The following FILIP1L variants were observed in gnomAD, a reference collection of about 807,000 sequenced individuals.
FILIP1L encodes filamin A-interacting protein 1-like.
Under a neutral mutation model 96.6 loss-of-function variants are expected in FILIP1L, and 55 were observed. That is an observed-to-expected ratio of 0.57 (90% CI 0.46 to 0.71). The LOEUF is 0.71. Among genes scored for constraint, FILIP1L ranks in the 30% least tolerant of loss-of-function variants. The probability of loss-of-function intolerance (pLI) is 0.00; values close to 1 mark genes in which losing one functional copy is unlikely to be tolerated. For synonymous variants in FILIP1L, 467 were observed against 473.9 expected (o/e 0.99, Z 0.19); for missense variants, 1,304 against 1,321.2 (o/e 0.99, Z 0.20).
At chr3:100,101,158 T>A (rs748138768) in intron 1 of FILIP1L, among the ~76,000 whole-genome samples, 1 of 152,102 alleles carries the variant, frequency 6.6e-6, no homozygotes, top group Non-Finnish European at 1.5e-5. Flanking sequence ...CTCTCCTGAG[T>A]GGTAGTAACC....
At chr3:99,918,039 G>A (rs889528455) in intron 4 of FILIP1L, among the ~76,000 whole-genome samples, 5 of 152,008 alleles carry the variant, frequency 3.3e-5, no homozygotes, top group Admixed American at 1.3e-4. Flanking sequence ...GTGCAGTGGC[G>A]TGATCTCGGC....
chr3:100,040,265 AT>A (rs2065181553), intron 1 of FILIP1L: 1 of 152,178 alleles, frequency 6.6e-6, no homozygotes, highest in Admixed American at 6.5e-5. Context: ...TTATTTGCAT[AT>A]TTCATTTGCA....
chr3:100,075,082 T>C (rs1212286423), intron 1 of FILIP1L, among the ~76,000 whole-genome samples: 1 of 152,208 alleles, frequency 6.6e-6, no homozygotes, highest in Non-Finnish European at 1.5e-5. Flanking sequence ...ATATATTTTA[T>C]TGGTCTATGT....
chr3:99,966,414 A>G (rs988206204), intron 1 of FILIP1L, among the ~76,000 whole-genome samples: 8 of 152,020 alleles, frequency 5.3e-5, no homozygotes, highest in South Asian at 4.1e-4. Context: ...TTTTTCGGCT[A>G]TATATAGTTT....
intron 1 of FILIP1L, among the ~76,000 whole-genome samples, chr3:99,957,594 G>A (rs1306852859): frequency 1.3e-5 from 2 of 151,310 alleles, no homozygotes; most frequent in Non-Finnish European, 2.9e-5. Context: ...CACCCTCTGG[G>A]GCCTCCTATG....
At chr3:100,015,162 T>C (rs1051242427) in intron 1 of FILIP1L, among the ~76,000 whole-genome samples, 4 of 152,044 alleles carry the variant, frequency 2.6e-5, no homozygotes, top group Non-Finnish European at 5.9e-5. Flanking sequence ...CCTTTTCCTA[T>C]TTTGCATTTT....
At chr3:99,869,097 CTTG>C (rs1944658444) in intron 4 of FILIP1L, among the ~76,000 whole-genome samples, 1 of 152,104 alleles carries the variant, frequency 6.6e-6, no homozygotes, top group South Asian at 2.1e-4. Context: ...CTCAGAATGA[CTTG>C]TTATTAGAAT....
intron 1 of FILIP1L, among the ~76,000 whole-genome samples, chr3:99,950,401 AAAGT>A (rs1275742206): frequency 4.6e-5 from 7 of 152,148 alleles, no homozygotes; most frequent in African/African-American, 1.4e-4. Flanking sequence ...AGAACTTAGA[AAAGT>A]TAAGTAAGTT....
At chr3:99,922,870 T>A (rs1259129600) in intron 4 of FILIP1L, among the ~76,000 whole-genome samples, 1 of 152,196 alleles carries the variant, frequency 6.6e-6, no homozygotes, top group Non-Finnish European at 1.5e-5. Flanking sequence ...ACATTCTTAT[T>A]TCTTATTTTG....
At chr3:99,871,954 A>G (rs1314252292) in intron 4 of FILIP1L, among the ~76,000 whole-genome samples, 1 of 151,286 alleles carries the variant, frequency 6.6e-6, no homozygotes, top group Non-Finnish European at 1.5e-5. Context: ...TTGCTTTTTT[A>G]TTGCTTATAC....
rs1708168842 is a variant in FILIP1L at position 99,951,285 on chromosome 3, G to A, written c.-10-20255C>T. On this transcript the variant is annotated intron_variant, in intron 1 of 5. Transcript: ENST00000477258. ...GCACTAAGACCTCCTTCTTCTACCA[G>A]TAATTACAGTAGCTATTTTACTTAC... is the stretch of plus-strand genomic sequence containing the variant. Among the ~76,000 whole-genome samples, 5 of 152,100 alleles carry A rather than the reference G, an allele frequency of 3.3e-5. 1 individual carries two copies. The highest frequency in any genetic ancestry group is 3.3e-4 in the Admixed American group (5 of 15,278).
intron 3 of FILIP1L, among the ~76,000 whole-genome samples, chr3:99,929,608 G>A (rs1707410561): frequency 6.6e-6 from 1 of 152,026 alleles, no homozygotes; most frequent in South Asian, 2.1e-4. Flanking sequence ...ACGTGAGAGT[G>A]GGGAGCATTC....
At position 99,849,470 on chromosome 3, in the gene FILIP1L, T is replaced by C; in HGVS notation, c.2206A>G (p.Ile736Val). The C allele has an allele frequency of 6.2e-7, 1 of 1,613,924 alleles. No individual in the cohort carries two copies. The highest frequency in any genetic ancestry group is 8.5e-7 in the Non-Finnish European group (1 of 1,179,990). The change falls in exon 5 of 6, where the codon ATA (isoleucine) becomes GTA (valine). Residue 736 changes from isoleucine (I) to valine (V), a missense_variant. Coordinates refer to ENST00000477258, the MANE Select transcript of FILIP1L (RefSeq NM_001387850.1). Reference protein sequence around the residue: ...IHEYMATEDLICHLQGDHSVL... With the variant: ...IHEYMATEDLVCHLQGDHSVL... ...GAGTGATCTCCCTGGAGGTGACATA[T>C]TAGGTCTTCAGTTGCCATGTATTCA...
intron 3 of FILIP1L, among the ~76,000 whole-genome samples, chr3:99,926,418 G>C (rs1337835435): frequency 1.3e-5 from 2 of 152,248 alleles, no homozygotes; most frequent in African/African-American, 4.8e-5. Context: ...TGTCATGGAA[G>C]TGTGTTTCAA....
chr3:99,988,634 G>A (rs1709425135), intron 1 of FILIP1L, among the ~76,000 whole-genome samples: 1 of 151,808 alleles, frequency 6.6e-6, no homozygotes, highest in Non-Finnish European at 1.5e-5. Context: ...AAGTCCAGTT[G>A]TATTTTCTTG....
intron 1 of FILIP1L, among the ~76,000 whole-genome samples, chr3:99,961,097 C>T (rs867824494): frequency 1.3e-5 from 2 of 152,278 alleles, no homozygotes; most frequent in East Asian, 1.9e-4. Context: ...GCCCAAATGA[C>T]GTAACCTTGG....
chr3:100,105,487 G>T (rs982672095), intron 1 of FILIP1L, among the ~76,000 whole-genome samples: 2 of 152,158 alleles, frequency 1.3e-5, no homozygotes, highest in African/African-American at 2.4e-5. Flanking sequence ...TAATTCTGGG[G>T]CAAAAGGGAC....
At chr3:100,028,688 AG>A (rs2064970314) in intron 1 of FILIP1L, among the ~76,000 whole-genome samples, 1 of 152,176 alleles carries the variant, frequency 6.6e-6, no homozygotes, top group Non-Finnish European at 1.5e-5. Context: ...CATTGATGGA[AG>A]TATTTATGAT....
In FILIP1L at chr3:99,989,664, CTATA is replaced by C. The variant is rs72124290; in HGVS notation, c.-10-58638_-10-58635del. Among the ~76,000 whole-genome samples, 283 of 62,810 alleles carry C rather than the reference CTATA, an allele frequency of 4.5e-3. 2 individuals are homozygous for C. The highest frequency in any genetic ancestry group is 0.02 in the African/African-American group (252 of 12,474). 41.2% of individuals were successfully genotyped at this position (62,810 alleles called of 152,430 possible). A position where few individuals can be genotyped will look rare whatever the true frequency, so the allele number is the denominator to read the frequency against. On this transcript the variant is annotated intron_variant, in intron 1 of 5. Coordinates refer to ENST00000477258, the MANE Select transcript of FILIP1L (RefSeq NM_001387850.1). The stretch of plus-strand genomic sequence containing the variant: ...AAAATACTCAATTTAGTATCTTCCT[CTATA>C]TATATATATATATATATTTTTTTTC...
Sources: gnomAD v4.1 joint callset for allele counts (sites outside exome capture counted in the v4.1 genomes callset) on GRCh38, gnomAD v4.1.1 for gene constraint, MANE v1.5 for transcripts, NCBI Gene and HGNC (gene_info 2026-07-23, HGNC 2026-07-21) for gene names.